Variants in OTUD7A observed in about 807,000 individuals in gnomAD.
The protein encoded by OTUD7A is OTU domain-containing protein 7A.
A neutral mutation model predicts 65.7 loss-of-function variants in OTUD7A; 12 were observed. The ratio of observed to expected loss-of-function variants is 0.18; its 90% CI spans 0.12 to 0.30. The LOEUF (loss-of-function observed/expected upper bound fraction) is 0.30. OTUD7A is among the 10% of genes least tolerant of loss of function. OTUD7A has a pLI of 1.00. For missense variants in OTUD7A, 1,148 were observed against 1,304.8 expected, an observed-to-expected ratio of 0.88 and a Z score of 1.85; for synonymous variants, 641 against 586.3, an observed-to-expected ratio of 1.09 and a Z score of -1.35.
At chr15:31,827,874 G>A (rs747572074) in intron 1 of OTUD7A, among the ~76,000 whole-genome samples, 1 of 151,904 alleles carries the variant, frequency 6.6e-6, no homozygotes, top group Non-Finnish European at 1.5e-5. Flanking sequence ...GTTAGAGGTT[G>A]CAGTGAGCCG....
At position 31,483,577 on chromosome 15, in the gene OTUD7A, G is replaced by T; in HGVS notation, c.2519C>A (p.Ala840Asp). The T allele has an allele frequency of 8.0e-7, 1 of 1,257,190 alleles. No homozygotes were observed. Among genetic ancestry groups the T allele is most frequent in the East Asian group, 3.5e-5 (1 of 28,194 alleles). The allele number at this position is 1,257,190 out of a possible 1,614,324, so 77.9% of individuals were successfully genotyped here. A position where few individuals can be genotyped will look rare whatever the true frequency, so the allele number is the denominator to read the frequency against. The change falls in exon 13 of 13, where the codon GCC (alanine) becomes GAC (aspartate). Residue 840 changes from alanine to aspartate, a missense_variant. Ala to Asp is a moderately radical substitution (Grantham distance 126, BLOSUM62 -2). Around this residue, in one of 6 missense-constraint regions of OTUD7A, gnomAD observed 842 missense variants for 769.5 expected, o/e 1.09. Transcript: ENST00000307050. Reference sequence around the variant, plus strand: ...CGCCGTCCCCGCCGCGCCCGGTAGGGCCCCGGGCACCGCGCGCGCCAGCGA... The same window carrying T: ...CGCCGTCCCCGCCGCGCCCGGTAGGTCCCCGGGCACCGCGCGCGCCAGCGA... ...VESLARAVPG[A>D]LPGAAGTAGA...
chr15:31,689,790 C>T (rs934252661), intron 1 of OTUD7A, among the ~76,000 whole-genome samples: 5 of 152,080 alleles, frequency 3.3e-5, no homozygotes, highest in Admixed American at 6.6e-5. Flanking sequence ...GGGCTCAGAG[C>T]CCCTAGAAGC....
chr15:31,813,384 C>T (rs564577612), intron 1 of OTUD7A, among the ~76,000 whole-genome samples: 1 of 152,278 alleles, frequency 6.6e-6, no homozygotes, highest in Non-Finnish European at 1.5e-5. Flanking sequence ...TGTCTTAGGT[C>T]ACGATGATTT....
At chr15:31,573,846 A>C (rs1010228016) in intron 3 of OTUD7A, among the ~76,000 whole-genome samples, 2 of 152,238 alleles carry the variant, frequency 1.3e-5, no homozygotes, top group Non-Finnish European at 2.9e-5. Context: ...GGTTGCAGTG[A>C]GCTGAGATTG....
chr15:31,560,023 C>T (rs987282043), intron 4 of OTUD7A, among the ~76,000 whole-genome samples: 6 of 152,256 alleles, frequency 3.9e-5, no homozygotes, highest in Admixed American at 2.6e-4. Flanking sequence ...TACAACTGCA[C>T]ATCAGCACTG....
chr15:31,536,303 C>A (rs1887800934), intron 5 of OTUD7A, among the ~76,000 whole-genome samples: 1 of 152,180 alleles, frequency 6.6e-6, no homozygotes, highest in Admixed American at 6.5e-5. Context: ...CATGTCACTT[C>A]TTGGATAATA....
At chr15:31,496,432 C>T (rs2041385374) in intron 10 of OTUD7A, among the ~76,000 whole-genome samples, 1 of 152,088 alleles carries the variant, frequency 6.6e-6, no homozygotes, top group African/African-American at 2.4e-5. Context: ...CCATGTTAGC[C>T]AGGATGGTCT....
chr15:31,666,018 G>A (rs1428579060), intron 1 of OTUD7A, among the ~76,000 whole-genome samples: 2 of 136,904 alleles, frequency 1.5e-5, no homozygotes, highest in East Asian at 4.1e-4. Flanking sequence ...ACTTGATCAT[G>A]GTGGATTTTT....
chr15:31,524,585 A>G (rs981354253), intron 8 of OTUD7A, among the ~76,000 whole-genome samples: 2 of 105,938 alleles, frequency 1.9e-5, no homozygotes, highest in Non-Finnish European at 3.6e-5. Flanking sequence ...AACACCACCC[A>G]TACCTTCCTG....
chr15:31,515,653 T>C (rs568121720), intron 8 of OTUD7A, among the ~76,000 whole-genome samples: 16 of 112,166 alleles, frequency 1.4e-4, no homozygotes, highest in Admixed American at 4.5e-4. Context: ...CTCTCTCTCT[T>C]CATCCATCCA....
At chr15:31,639,867 C>CA (rs1891459455) in intron 3 of OTUD7A, among the ~76,000 whole-genome samples, 1 of 152,064 alleles carries the variant, frequency 6.6e-6, no homozygotes, top group South Asian at 2.1e-4. Flanking sequence ...ATAGTTTTTA[C>CA]AAAAATAATT....
At chr15:31,518,850 C>T (rs932579537) in intron 8 of OTUD7A, among the ~76,000 whole-genome samples, 3 of 152,212 alleles carry the variant, frequency 2.0e-5, no homozygotes, top group Non-Finnish European at 4.4e-5. Context: ...CTGTGCCTGC[C>T]CAGACAGGCA....
chr15:31,644,405 G>C (rs1384675165), intron 3 of OTUD7A, among the ~76,000 whole-genome samples: 3 of 151,864 alleles, frequency 2.0e-5, no homozygotes, highest in Non-Finnish European at 4.4e-5. Context: ...CAGGCAATGA[G>C]GCCATTTCAC....
chr15:31,497,205 G>GT (rs1209930714), intron 10 of OTUD7A, among the ~76,000 whole-genome samples: 1 of 151,954 alleles, frequency 6.6e-6, no homozygotes, highest in Non-Finnish European at 1.5e-5. Context: ...CTCACAGGCT[G>GT]TTTGTATATA....
intron 1 of OTUD7A, among the ~76,000 whole-genome samples, chr15:31,793,444 T>A (rs965130370): frequency 3.3e-5 from 5 of 152,134 alleles, no homozygotes; most frequent in African/African-American, 2.4e-5. Flanking sequence ...CCTCACTGAG[T>A]CCCCCATCCC....
intron 3 of OTUD7A, among the ~76,000 whole-genome samples, chr15:31,580,822 C>G (rs1459225140): frequency 3.3e-5 from 5 of 152,142 alleles, no homozygotes; most frequent in Non-Finnish European, 7.3e-5. Context: ...TATTACAATT[C>G]AAGGTGAGAT....
intron 3 of OTUD7A, among the ~76,000 whole-genome samples, chr15:31,574,343 G>A (rs1204568978): frequency 6.6e-6 from 1 of 152,096 alleles, no homozygotes. Flanking sequence ...GTATCTGTGA[G>A]AGCAATAAAT....
Position 31,484,444 on chromosome 15 carries a change from C to T in OTUD7A, c.1652G>A (p.Gly551Asp), listed in dbSNP as rs1243160730. 1 of 1,603,872 alleles carries T rather than the reference C, an allele frequency of 6.2e-7. No homozygotes were observed. The highest frequency in any genetic ancestry group is 8.5e-7 in the Non-Finnish European group (1 of 1,179,906). ...GLGGLVHGKM[G>D]RANSANGKNG... ...CTTGCCATTGGCGGAGTTGGCGCGG[C>T]CCATCTTGCCGTGCACCAGGCCGCC... is the stretch of plus-strand genomic sequence containing the variant. Residue 551 changes from glycine to aspartate, a missense_variant, in exon 13 of 13, where the codon GGC (glycine) becomes GAC (aspartate). Coordinates refer to ENST00000307050, the MANE Select transcript of OTUD7A (RefSeq NM_001382637.1). The surrounding 1 kb of genome is among the most constrained non-coding windows in gnomAD (Gnocchi z 4.5).
chr15:31,555,863 T>TCTTTTTTTTTTTTTG (rs1566917821), intron 5 of OTUD7A: 2 of 60,762 alleles, frequency 3.3e-5, no homozygotes. Context: ...TTTTTTTTTT[T>TCTTTTTTTTTTTTTG]TGAGACAGGG....
Sources: allele counts gnomAD v4.1 joint callset (sites outside exome capture counted in the v4.1 genomes callset), GRCh38; gene constraint gnomAD v4.1.1; regional missense constraint gnomAD v4.1.1; non-coding constraint Gnocchi (gnomAD v3.1); transcripts MANE v1.5; gene names NCBI Gene and HGNC (gene_info 2026-07-23, HGNC 2026-07-21).